CACNA1A: variants seen among roughly 807,000 people sequenced by gnomAD.
The protein encoded by CACNA1A is voltage-dependent P/Q-type calcium channel subunit alpha-1A.
Under a neutral mutation model 262.4 loss-of-function variants are expected in CACNA1A, and 57 were observed. The ratio of observed to expected loss-of-function variants is 0.22; its 90% CI spans 0.18 to 0.27. CACNA1A has a LOEUF of 0.27. Among genes scored for constraint, CACNA1A ranks in the 10% least tolerant of loss-of-function variants. The pLI is 1.00. For synonymous variants in CACNA1A, 1,431 were observed against 1,419.3 expected (o/e 1.01, Z -0.18); for missense variants, 2,526 against 3,562.8 (o/e 0.71, Z 7.41).
intron 1 of CACNA1A, among the ~76,000 whole-genome samples, chr19:13,490,857 G>C (rs968637451): frequency 7.2e-6 from 1 of 139,704 alleles, no homozygotes; most frequent in Non-Finnish European, 1.5e-5. Context: ...AGGAGGGAAA[G>C]AGAAAGGAAA....
At chr19:13,447,493 G>A (rs981547351) in intron 3 of CACNA1A, among the ~76,000 whole-genome samples, 3 of 152,186 alleles carry the variant, frequency 2.0e-5, no homozygotes, top group Non-Finnish European at 4.4e-5. Context: ...GTTCTTCAGA[G>A]GGACAAAACT....
chr19:13,206,666 ATTG>A lies in CACNA1A; in HGVS notation c.*644_*646del, dbSNP rs928841036. 10 of 111,394 alleles carry A rather than the reference ATTG, an allele frequency of 9.0e-5. No individual in the cohort carries two copies. The highest frequency in any genetic ancestry group is 4.9e-4 in the African/African-American group (10 of 20,340). The allele number at this position is 111,394 out of a possible 1,614,324, so 6.9% of individuals were successfully genotyped here. ...CATTAATTTTTTTGTCCTTTTTAAA[ATTG>A]TTTATTGTTATTATTATTTTTTTAA... On this transcript the variant is annotated 3_prime_UTR_variant, in exon 47 of 47. Coordinates refer to ENST00000360228, the MANE Select transcript of CACNA1A (RefSeq NM_001127222.2).
At chr19:13,373,142 T>C (rs2059352908) in intron 3 of CACNA1A, among the ~76,000 whole-genome samples, 1 of 152,196 alleles carries the variant, frequency 6.6e-6, no homozygotes, top group African/African-American at 2.4e-5. Flanking sequence ...TCACAGCAAA[T>C]AACTTGGGGA....
chr19:13,334,055 C>T (rs2058514112), intron 8 of CACNA1A: 3 of 269,368 alleles, frequency 1.1e-5, no homozygotes, highest in Non-Finnish European at 1.4e-5. Flanking sequence ...ATGACTTAGG[C>T]ACTACCATCG....
At chr19:13,283,680 T>G in intron 21 of CACNA1A, 1 of 294,986 alleles carries the variant, frequency 3.4e-6, no homozygotes, top group Non-Finnish European at 6.4e-6. Flanking sequence ...CCAAGCTAGG[T>G]TGAAGAAATA....
intron 38 of CACNA1A, among the ~76,000 whole-genome samples, chr19:13,220,966 A>T (rs1216425700): frequency 1.3e-5 from 2 of 151,446 alleles, no homozygotes; most frequent in Non-Finnish European, 2.9e-5. Flanking sequence ...CCTGGCATTA[A>T]CAATATCTGT....
At position 13,443,076 on chromosome 19, in the gene CACNA1A, G is replaced by A. The variant is rs569894527; in HGVS notation, c.539+9800C>T. Among the ~76,000 whole-genome samples, 9 of 152,122 alleles carry A rather than the reference G, an allele frequency of 5.9e-5. No homozygotes were observed. The South Asian group carries it at 1.7e-3, about 28-fold the overall frequency. ...ATTTTATATTATTATTTATTGACAC[G>A]GGGTCTCACCCTGTCACCCAGCCTG... On this transcript the variant is annotated intron_variant, in intron 3 of 46. Coordinates refer to ENST00000360228, the MANE Select transcript of CACNA1A (RefSeq NM_001127222.2).
intron 1 of CACNA1A, among the ~76,000 whole-genome samples, chr19:13,479,632 G>C (rs1185758647): frequency 2.0e-5 from 3 of 152,198 alleles, no homozygotes; most frequent in Non-Finnish European, 1.5e-5. Flanking sequence ...AAAAAACGAA[G>C]AGAGGGAAGA....
chr19:13,440,515 T>G (rs1345878421), intron 3 of CACNA1A, among the ~76,000 whole-genome samples: 3 of 152,216 alleles, frequency 2.0e-5, no homozygotes, highest in African/African-American at 7.2e-5. Context: ...TTATCATCAT[T>G]ATAATGATAG....
chr19:13,252,115 T>C (rs1304352042), intron 30 of CACNA1A, among the ~76,000 whole-genome samples: 3 of 151,908 alleles, frequency 2.0e-5, no homozygotes, highest in African/African-American at 4.8e-5. Context: ...CAGGCTGGGG[T>C]GCAGTGGCAT....
At chr19:13,283,056 C>A (rs1343869867) in intron 22 of CACNA1A, among the ~76,000 whole-genome samples, 1 of 152,218 alleles carries the variant, frequency 6.6e-6, no homozygotes, top group African/African-American at 2.4e-5. Flanking sequence ...CTCCACCCCA[C>A]CAGGCTCACA....
intron 1 of CACNA1A, among the ~76,000 whole-genome samples, chr19:13,479,598 G>A (rs2112460): frequency 0.46 from 70,622 of 151,978 alleles, 16,596 homozygotes; most frequent in Admixed American, 0.49. Context: ...CTGGAGCTTG[G>A]GAAGAAAAGA....
chr19:13,261,191 A>G (rs753375029), intron 26 of CACNA1A: 12 of 427,048 alleles, frequency 2.8e-5, no homozygotes, highest in Non-Finnish European at 4.7e-5. Flanking sequence ...GTGGATGTGT[A>G]TTAATATCCC....
intron 3 of CACNA1A, among the ~76,000 whole-genome samples, chr19:13,419,037 G>C (rs1156447427): frequency 6.6e-6 from 1 of 152,110 alleles, no homozygotes; most frequent in African/African-American, 2.4e-5. Flanking sequence ...GGGATTACAG[G>C]TGCCTGCCAC....
chr19:13,289,564 G>C (rs1372526142), intron 19 of CACNA1A, among the ~76,000 whole-genome samples: 2 of 152,100 alleles, frequency 1.3e-5, no homozygotes, highest in East Asian at 3.9e-4. Flanking sequence ...CCATATCCTG[G>C]AGACTGAAGC....
chr19:13,218,948 G>C (rs2055119701), intron 38 of CACNA1A, among the ~76,000 whole-genome samples: 1 of 152,214 alleles, frequency 6.6e-6, no homozygotes, highest in Admixed American at 6.5e-5. Flanking sequence ...TGGCCAGGCT[G>C]GTCTCAAACT....
chr19:13,224,583 A>G (rs1354184492), intron 38 of CACNA1A, 84 bp downstream of exon 38: 2 of 861,496 alleles, frequency 2.3e-6, no homozygotes, highest in East Asian at 5.4e-5. Context: ...TGGTGACAGC[A>G]GATCCTCTAG....
At chr19:13,473,076 GA>G (rs1978289611) in intron 1 of CACNA1A, among the ~76,000 whole-genome samples, 2 of 152,058 alleles carry the variant, frequency 1.3e-5, no homozygotes, top group Admixed American at 1.3e-4. Context: ...AATATAGTGA[GA>G]TCCCATCTCT....
Position 13,212,286 on chromosome 19 carries a change from G to A in CACNA1A, c.6190-70C>T. The A allele has an allele frequency of 6.4e-7, 1 of 1,565,962 alleles. No individual in the cohort carries two copies. On this transcript the variant is annotated intron_variant, in intron 42 of 46. Coordinates refer to ENST00000360228, the MANE Select transcript of CACNA1A (RefSeq NM_001127222.2). This position sits in a 1 kb window ranked among gnomAD's most constrained non-coding sequence, Gnocchi z 5.6. ...TCCAGATCCCTGGTGTCTGCAGAGGGAGGGAGCTGCAGGTGTGTGTGTGTG... is the reference window on the plus strand; with the variant it reads ...TCCAGATCCCTGGTGTCTGCAGAGGAAGGGAGCTGCAGGTGTGTGTGTGTG...
Sources: allele counts gnomAD v4.1 joint callset (sites outside exome capture counted in the v4.1 genomes callset), GRCh38; gene constraint gnomAD v4.1.1; non-coding constraint Gnocchi (gnomAD v3.1); transcripts MANE v1.5; gene names NCBI Gene and HGNC (gene_info 2026-07-23, HGNC 2026-07-21).